IDH3A: variants seen among roughly 807,000 people sequenced by gnomAD.
IDH3A encodes the protein isocitrate dehydrogenase (NAD(+)) 3 catalytic subunit alpha, also known as isocitrate dehydrogenase [NAD] subunit alpha, mitochondrial.
Under a neutral mutation model 43.3 loss-of-function variants are expected in IDH3A, and 23 were observed. The ratio of observed to expected loss-of-function variants is 0.53; its 90% CI spans 0.38 to 0.75. The LOEUF (loss-of-function observed/expected upper bound fraction) is 0.75, where lower values mean the gene tolerates loss of function less well. IDH3A is among the 30% of genes least tolerant of loss of function. The probability of loss-of-function intolerance (pLI) is 0.00; values close to 1 mark genes in which losing one functional copy is unlikely to be tolerated. For missense variants in IDH3A, 329 were observed against 474.4 expected (o/e 0.69, Z 2.85); for synonymous variants, 154 against 163.5 (o/e 0.94, Z 0.44).
intron 8 of IDH3A, 69 bp downstream of exon 8, chr15:78,163,849 C>T (rs768122210): frequency 3.0e-6 from 3 of 990,662 alleles, no homozygotes; most frequent in Non-Finnish European, 4.9e-6. Context: ...ATAATTATGG[C>T]TTAACATTTT....
intron 10 of IDH3A, among the ~76,000 whole-genome samples, chr15:78,166,711 A>C (rs1045880877): frequency 2.6e-5 from 4 of 152,198 alleles, no homozygotes; most frequent in Non-Finnish European, 4.4e-5. Flanking sequence ...GGCTCACTGC[A>C]ACCTGCACCT....
Position 78,163,529 on chromosome 15 carries a change from C to T in IDH3A, c.634C>T (p.Leu212=). The change falls in exon 7 of 11, where the codon CTA becomes TTA. Residue 212 remains leucine (L), a synonymous_variant. Transcript: ENST00000299518. The stretch of plus-strand genomic sequence containing the variant: ...CAGGCGGATGTCAGATGGGCTTTTT[C>T]TACAAAAATGCAGGGAAGTTGCAGA... ...NIMRMSDGLF[L]QKCREVAESC... The T allele has an allele frequency of 6.2e-7, 1 of 1,611,708 alleles. No homozygotes were observed. Among genetic ancestry groups the T allele is most frequent in the Non-Finnish European group, 8.5e-7 (1 of 1,178,434 alleles).
chr15:78,167,601 G>A (rs1003551525), intron 10 of IDH3A: 2 of 152,158 alleles, frequency 1.3e-5, no homozygotes, highest in Non-Finnish European at 2.9e-5. Flanking sequence ...ATCACCATCA[G>A]TCATCTCCAG....
At position 78,161,786 on chromosome 15, in the gene IDH3A, T is replaced by G. The variant is rs772932150; in HGVS notation, c.477+18T>G. 27 of 1,604,018 alleles carry G rather than the reference T, an allele frequency of 1.7e-5. No individual in the cohort carries two copies. The African/African-American group carries it at 3.6e-4, about 21-fold the overall frequency. On this transcript the variant is annotated intron_variant, in intron 5 of 10. Transcript: ENST00000299518. The surrounding 1 kb of genome is among the most constrained non-coding windows in gnomAD (Gnocchi z 4.8). ...AGCATGTGGTATGTTCACTCCAGATTCTTTTTTATTCCTGCTTGGACTGCT... is the reference window on the plus strand; with the variant it reads ...AGCATGTGGTATGTTCACTCCAGATGCTTTTTTATTCCTGCTTGGACTGCT...
rs1246374456 is a variant in IDH3A at position 78,171,098 on chromosome 15, A to T, written c.*2093A>T. 5.3e-6 allele frequency: 1 copy of T among 189,672 alleles called. No homozygotes were observed. Among genetic ancestry groups the T allele is most frequent in the African/African-American group, 2.4e-5 (1 of 42,474 alleles). The allele number at this position is 189,672 out of a possible 1,614,324, so 11.7% of individuals were successfully genotyped here. On this transcript the variant is annotated 3_prime_UTR_variant, in exon 11 of 11. Coordinates refer to ENST00000299518, the MANE Select transcript of IDH3A (RefSeq NM_005530.3). ...CTCTCTCCTACCCGCTCCACAGCCT[A>T]CTGCTGGCTGTCCTGTATGTGAGCT...
Position 78,165,054 on chromosome 15 carries a change from A to G in IDH3A, c.842A>G (p.Asn281Ser), listed in dbSNP as rs1168814911. ...GVTPSGNIGA[N>S]GVAIFESVHG... is the part of the protein sequence containing the mutation. ...ACACCAAGTGGCAACATTGGAGCCA[A>G]TGGGGTTGCAATTTTTGAGTCGGTA... The change falls in exon 9 of 11, where the codon AAT (asparagine) becomes AGT (serine). Residue 281 changes from asparagine (N) to serine (S), a missense_variant. Physicochemically the swap from Asn to Ser is conservative, Grantham distance 46 (BLOSUM62 1). Transcript: ENST00000299518. 6.2e-7 allele frequency: 1 copy of G among 1,613,592 alleles called. No individual in the cohort carries two copies. Among genetic ancestry groups the G allele is most frequent in the Non-Finnish European group, 8.5e-7 (1 of 1,179,630 alleles).
chr15:78,157,520 G>A (rs770356687), intron 2 of IDH3A, 28 bp from the exon 3 acceptor site: 1 of 1,518,134 alleles, frequency 6.6e-7, no homozygotes, highest in Non-Finnish European at 9.0e-7. Context: ...AATTCTTACT[G>A]TCTTCTTTGA....
At position 78,168,943 on chromosome 15, in the gene IDH3A, G is replaced by A; in HGVS notation, c.1039G>A (p.Gly347Ser). 2 of 1,600,724 alleles carry A rather than the reference G, an allele frequency of 1.2e-6. No homozygotes were observed. Among genetic ancestry groups the A allele is most frequent in the Non-Finnish European group, 1.7e-6 (2 of 1,169,244 alleles). Residue 347 changes from glycine (G) to serine (S), a missense_variant, in exon 11 of 11, where the codon GGC (glycine) becomes AGC (serine). This residue lies in a region of IDH3A where 91 missense variants were observed against 111.6 expected (regional missense o/e 0.82). Coordinates refer to ENST00000299518, the MANE Select transcript of IDH3A (RefSeq NM_005530.3). ...TCAGAGCTTGACAAAAGATTTGGGA[G>A]GCAATGCAAAATGCTCAGACTTCAC... ...DGKSLTKDLGGNAKCSDFTEE... is the reference protein window; with the variant it reads ...DGKSLTKDLGSNAKCSDFTEE...
chr15:78,170,665 C>G lies in IDH3A; in HGVS notation c.*1660C>G, dbSNP rs1204222594. On this transcript the variant is annotated 3_prime_UTR_variant, in exon 11 of 11. Coordinates refer to ENST00000299518, the MANE Select transcript of IDH3A (RefSeq NM_005530.3). ...AGTGGGGTGGTCTGGTGGCGACAGG[C>G]TAACGTAGAGCTGGCTGCTTTTATG... The G allele has an allele frequency of 4.7e-5, 7 of 149,318 alleles. No homozygotes were observed. The East Asian group carries it at 1.2e-3, about 25-fold the overall frequency. 9.2% of individuals were successfully genotyped at this position (149,318 alleles called of 1,614,324 possible).
chr15:78,160,451 A>G (rs778460281), intron 4 of IDH3A, among the ~76,000 whole-genome samples: 1 of 152,046 alleles, frequency 6.6e-6, no homozygotes, highest in Non-Finnish European at 1.5e-5. Flanking sequence ...ATCTTCAACT[A>G]TATATATCTT....
chr15:78,150,875 A>G (rs912881960), intron 1 of IDH3A: 7 of 152,178 alleles, frequency 4.6e-5, no homozygotes, highest in African/African-American at 1.7e-4. Flanking sequence ...TTTGCTCCTA[A>G]AAGTAAAGCA....
Position 78,161,574 on chromosome 15 carries a change from A to C in IDH3A, c.290-7A>C, listed in dbSNP as rs1567070988. The C allele has an allele frequency of 1.2e-6, 2 of 1,611,096 alleles. No individual in the cohort carries two copies. The highest frequency in any genetic ancestry group is 2.2e-5 in the South Asian group (2 of 91,034). On this transcript the variant is annotated splice_region_variant and splice_polypyrimidine_tract_variant and intron_variant, in intron 4 of 10. Transcript: ENST00000299518. This position sits in a 1 kb window ranked among gnomAD's most constrained non-coding sequence, Gnocchi z 4.8. ...TAGTGTCATCTGGGTTTTCTTCTGT[A>C]TAACAGGCCCTTTGAAGACCCCAAT... is the stretch of plus-strand genomic sequence containing the variant.
At position 78,161,695 on chromosome 15, in the gene IDH3A, C is replaced by T; in HGVS notation, c.404C>T (p.Thr135Ile). 6.2e-7 allele frequency: 1 copy of T among 1,614,100 alleles called. No individual in the cohort carries two copies. The highest frequency in any genetic ancestry group is 8.5e-7 in the Non-Finnish European group (1 of 1,179,964). The change falls in exon 5 of 11, where the codon ACC becomes ATC. Residue 135 changes from threonine to isoleucine, a missense_variant. By Grantham distance (89) the Thr-to-Ile change is moderately conservative. Around this residue, in one of 3 missense-constraint regions of IDH3A, gnomAD observed 212 missense variants for 345.5 expected, o/e 0.61. Transcript: ENST00000299518. The surrounding 1 kb of genome is among the most constrained non-coding windows in gnomAD (Gnocchi z 4.8). ...TGTGTCTCTATCGAAGGCTATAAAA[C>T]CCCTTACACCGATGTAAATATTGTG... ...RPCVSIEGYKTPYTDVNIVTI... is the reference protein window; with the variant it reads ...RPCVSIEGYKIPYTDVNIVTI...
Position 78,154,188 on chromosome 15 carries a change from GAAAA to G in IDH3A, c.28-1013_28-1010del, listed in dbSNP as rs35197181. Reference sequence around the variant, plus strand: ...TGGCATATGATGTTAATTGGAGAGAGAAAAAAAAAAAAAAACACGTACCAGTGGT... The same window carrying G: ...TGGCATATGATGTTAATTGGAGAGAGAAAAAAAAAAACACGTACCAGTGGT... On this transcript the variant is annotated intron_variant, in intron 1 of 10. Coordinates refer to ENST00000299518, the MANE Select transcript of IDH3A (RefSeq NM_005530.3). Among the ~76,000 whole-genome samples the G allele has an allele frequency of 6.8e-5, 9 of 132,022 alleles. No homozygotes were observed. The East Asian group carries it at 2.0e-3, about 30-fold the overall frequency. 86.6% of individuals were successfully genotyped at this position (132,022 alleles called of 152,430 possible).
At chr15:78,156,922 G>C (rs753253808) in intron 2 of IDH3A, 6 of 1,351,802 alleles carry the variant, frequency 4.4e-6, no homozygotes, top group Admixed American at 3.8e-5. Flanking sequence ...ACTTTGCCAA[G>C]CTTATGTAGA....
chr15:78,171,431 G>C lies in IDH3A; in HGVS notation c.*2426G>C. On this transcript the variant is annotated 3_prime_UTR_variant, in exon 11 of 11. Coordinates refer to ENST00000299518, the MANE Select transcript of IDH3A (RefSeq NM_005530.3). ...GCCCTCTATTCTATAGAAACTGCAG[G>C]CATAGGCCCTGATTACATTTTTTGC... is the stretch of plus-strand genomic sequence containing the variant. 6.2e-7 allele frequency: 1 copy of C among 1,610,738 alleles called. No individual in the cohort carries two copies. Among genetic ancestry groups the C allele is most frequent in the Non-Finnish European group, 8.5e-7 (1 of 1,177,038 alleles).
rs747324123 is a variant in IDH3A at position 78,170,631 on chromosome 15, C to T, written c.*1626C>T. 6.6e-6 allele frequency: 1 copy of T among 152,306 alleles called. No homozygotes were observed. The highest frequency in any genetic ancestry group is 1.5e-5 in the Non-Finnish European group (1 of 68,050). 9.4% of individuals were successfully genotyped at this position (152,306 alleles called of 1,614,324 possible). A position where few individuals can be genotyped will look rare whatever the true frequency, so the allele number is the denominator to read the frequency against. On this transcript the variant is annotated 3_prime_UTR_variant, in exon 11 of 11. Coordinates refer to ENST00000299518, the MANE Select transcript of IDH3A (RefSeq NM_005530.3). ...ACTGAGAATGGCTGCTTCCCGTATTCAGAATGGAAGTGGGGTGGTCTGGTG... is the reference window on the plus strand; with the variant it reads ...ACTGAGAATGGCTGCTTCCCGTATTTAGAATGGAAGTGGGGTGGTCTGGTG...
At chr15:78,149,538 G>A in intron 1 of IDH3A, 108 bp downstream of exon 1, 1 of 950,652 alleles carries the variant, frequency 1.1e-6, no homozygotes, top group Non-Finnish European at 1.5e-6. Context: ...ACAGGGAGGC[G>A]GTGGCTGCCC....
intron 1 of IDH3A, among the ~76,000 whole-genome samples, chr15:78,153,524 C>T (rs1273480533): frequency 6.6e-6 from 1 of 151,964 alleles, no homozygotes; most frequent in East Asian, 1.9e-4. Context: ...TGGATTTGGC[C>T]CAGTCTTATT....
Sources: gnomAD v4.1 joint callset for allele counts (sites outside exome capture counted in the v4.1 genomes callset) on GRCh38, gnomAD v4.1.1 for gene constraint, gnomAD v4.1.1 regional missense constraint, Gnocchi (gnomAD v3.1) non-coding constraint, MANE v1.5 for transcripts, NCBI Gene and HGNC (gene_info 2026-07-23, HGNC 2026-07-21) for gene names.